ZFAND3: variants seen among roughly 807,000 people sequenced by gnomAD.
ZFAND3 encodes zinc finger AN1-type containing 3, also known as AN1-type zinc finger protein 3.
Under a neutral mutation model 29.6 loss-of-function variants are expected in ZFAND3, and 10 were observed. That is an observed-to-expected ratio of 0.34 (90% CI 0.21 to 0.57). The LOEUF is 0.57. Among genes scored for constraint, ZFAND3 ranks in the 20% least tolerant of loss-of-function variants. The pLI, the probability that ZFAND3 is intolerant of heterozygous loss-of-function variation, is 0.86. For missense variants in ZFAND3, 230 were observed against 304.5 expected, an observed-to-expected ratio of 0.76 and a Z score of 1.82; for synonymous variants, 128 against 112.6, an observed-to-expected ratio of 1.14 and a Z score of -0.87.
intron 1 of ZFAND3, among the ~76,000 whole-genome samples, chr6:37,924,312 C>CTTT (rs34276814): frequency 1.6e-5 from 2 of 127,278 alleles, no homozygotes; most frequent in Non-Finnish European, 3.3e-5. Flanking sequence ...TACTTAAGTG[C>CTTT]TTTTTTTTTT....
chr6:37,988,851 G>T (rs184930510), intron 2 of ZFAND3, among the ~76,000 whole-genome samples: 3 of 152,010 alleles, frequency 2.0e-5, no homozygotes, highest in African/African-American at 7.3e-5. Flanking sequence ...TGAGTGGTGT[G>T]CTTGTTCGCA....
chr6:38,142,245 C>T (rs550313949), intron 5 of ZFAND3: 2 of 471,404 alleles, frequency 4.2e-6, no homozygotes, highest in Admixed American at 2.3e-5. Flanking sequence ...GGAAAATGTT[C>T]CTTTCTTTTC....
chr6:37,820,208 C>T (rs1763637146), intron 1 of ZFAND3, among the ~76,000 whole-genome samples, 192 bp downstream of exon 1: 1 of 151,980 alleles, frequency 6.6e-6, no homozygotes, highest in Non-Finnish European at 1.5e-5. Context: ...GCAGAGAAGG[C>T]CCTGCCGGGG....
chr6:37,916,012 G>A (rs1428273105), intron 1 of ZFAND3, among the ~76,000 whole-genome samples: 3 of 150,868 alleles, frequency 2.0e-5, no homozygotes, highest in South Asian at 2.1e-4. Flanking sequence ...CAGGTGATCC[G>A]CCCGCCTCGG....
At chr6:38,042,936 G>T (rs1763819561) in intron 2 of ZFAND3, among the ~76,000 whole-genome samples, 1 of 152,144 alleles carries the variant, frequency 6.6e-6, no homozygotes, top group African/African-American at 2.4e-5. Context: ...TGCCAAGGAT[G>T]CCCAGGACAG....
chr6:38,079,357 A>G (rs1561991488), intron 3 of ZFAND3, among the ~76,000 whole-genome samples: 2 of 152,194 alleles, frequency 1.3e-5, no homozygotes, highest in Admixed American at 1.3e-4. Context: ...TGTTAGTTTA[A>G]CAAGCTCTCT....
At chr6:38,049,329 C>T (rs1028311444) in intron 2 of ZFAND3, among the ~76,000 whole-genome samples, 4 of 152,156 alleles carry the variant, frequency 2.6e-5, no homozygotes, top group African/African-American at 7.2e-5. Context: ...TGTCAGGCAC[C>T]GTTCTAAGAC....
chr6:37,987,734 G>T (rs1192543066), intron 2 of ZFAND3, among the ~76,000 whole-genome samples: 2 of 152,298 alleles, frequency 1.3e-5, no homozygotes, highest in Non-Finnish European at 2.9e-5. Context: ...GGAGAGAGGG[G>T]AGAGGAGCAG....
chr6:37,830,717 C>A (rs894351041), intron 1 of ZFAND3, among the ~76,000 whole-genome samples: 33 of 152,132 alleles, frequency 2.2e-4, no homozygotes, highest in African/African-American at 8.0e-4. Context: ...CTATTAATTC[C>A]ATTCCTTGGG....
intron 2 of ZFAND3, among the ~76,000 whole-genome samples, chr6:38,030,057 TATATATATATATATATATATA>T (rs1231945341): frequency 0.036 from 754 of 20,912 alleles, 24 homozygotes; most frequent in African/African-American, 0.11. Context: ...GCTGGATATA[TATATATATATATATATATATA>T]TATATATATA....
At chr6:38,000,822 A>G (rs1762935442) in intron 2 of ZFAND3, among the ~76,000 whole-genome samples, 1 of 152,250 alleles carries the variant, frequency 6.6e-6, no homozygotes, top group African/African-American at 2.4e-5. Context: ...GTGTGTAACT[A>G]CTTTTTACTC....
chr6:38,085,957 A>G (rs1212735563), intron 4 of ZFAND3, among the ~76,000 whole-genome samples: 1 of 152,220 alleles, frequency 6.6e-6, no homozygotes, highest in African/African-American at 2.4e-5. Flanking sequence ...TTGATTAATC[A>G]GTCACCATTT....
chr6:38,087,947 G>A (rs1008770696), intron 4 of ZFAND3, among the ~76,000 whole-genome samples: 3 of 152,192 alleles, frequency 2.0e-5, no homozygotes, highest in Non-Finnish European at 2.9e-5. Context: ...TTTCCTTGCT[G>A]TTAGGTTACT....
At chr6:37,961,816 C>T (rs1018436426) in intron 2 of ZFAND3, among the ~76,000 whole-genome samples, 1 of 152,134 alleles carries the variant, frequency 6.6e-6, no homozygotes, top group Non-Finnish European at 1.5e-5. Context: ...TGAGGTCCCC[C>T]CTAAAGCAGA....
chr6:38,007,327 A>G (rs11759754), intron 2 of ZFAND3, among the ~76,000 whole-genome samples: 9,926 of 152,238 alleles, frequency 0.065, 395 homozygotes, highest in Non-Finnish European at 0.094. Flanking sequence ...TGGGAGGCCA[A>G]GGCAGGAGGA....
chr6:38,072,153 T>C (rs1561988779), intron 3 of ZFAND3, among the ~76,000 whole-genome samples: 1 of 151,804 alleles, frequency 6.6e-6, no homozygotes, highest in Non-Finnish European at 1.5e-5. Flanking sequence ...TCTCTCTCTC[T>C]CTCTCTCTGT....
chr6:37,982,500 A>G (rs543826609), intron 2 of ZFAND3, among the ~76,000 whole-genome samples: 2 of 152,330 alleles, frequency 1.3e-5, no homozygotes, highest in African/African-American at 4.8e-5. Flanking sequence ...CAGTGGTCCC[A>G]TAAAATTATA....
chr6:37,909,511 C>T (rs1765481348), intron 1 of ZFAND3, among the ~76,000 whole-genome samples: 1 of 151,870 alleles, frequency 6.6e-6, no homozygotes, highest in Non-Finnish European at 1.5e-5. Flanking sequence ...AACTCCTTAC[C>T]TCAGGTGATC....
intron 2 of ZFAND3, among the ~76,000 whole-genome samples, chr6:38,029,962 C>G (rs1007381213): frequency 4.0e-5 from 6 of 150,400 alleles, no homozygotes; most frequent in Non-Finnish European, 7.4e-5. Flanking sequence ...CTTTTCATTT[C>G]TATGTGTAGA....
Sources: allele counts gnomAD v4.1 joint callset (sites outside exome capture counted in the v4.1 genomes callset), GRCh38; gene constraint gnomAD v4.1.1; transcripts MANE v1.5; gene names NCBI Gene and HGNC (gene_info 2026-07-23, HGNC 2026-07-21).